Variants in DPP6 observed in about 807,000 individuals in gnomAD.
DPP6 encodes the protein A-type potassium channel modulatory protein DPP6.
In DPP6, 69 loss-of-function variants were observed where a neutral mutation model predicts 122.6. The ratio of observed to expected loss-of-function variants is 0.56; its 90% CI spans 0.46 to 0.69. The LOEUF is 0.69. Among genes scored for constraint, DPP6 ranks in the 30% least tolerant of loss-of-function variants. DPP6 has a pLI of 0.00. For missense variants in DPP6, 928 were observed against 1,116.9 expected (o/e 0.83, Z 2.41); for synonymous variants, 418 against 433.1 (o/e 0.97, Z 0.43).
At chr7:154,741,744 T>C (rs765365629) in intron 8 of DPP6, among the ~76,000 whole-genome samples, 2 of 152,196 alleles carry the variant, frequency 1.3e-5, no homozygotes, top group Non-Finnish European at 2.9e-5. Flanking sequence ...ATCAGCTCTT[T>C]CTCTGCTCAC....
chr7:154,377,847 A>G (rs1813261572), intron 1 of DPP6, among the ~76,000 whole-genome samples: 1 of 152,158 alleles, frequency 6.6e-6, no homozygotes, highest in South Asian at 2.1e-4. Flanking sequence ...AGCTTCTAAA[A>G]CATACATTTG....
intron 6 of DPP6, among the ~76,000 whole-genome samples, chr7:154,649,646 G>A (rs1836740650): frequency 6.6e-6 from 1 of 152,206 alleles, no homozygotes; most frequent in African/African-American, 2.4e-5. Flanking sequence ...ACATAGATCT[G>A]TGCCCTCAAT....
intron 1 of DPP6, among the ~76,000 whole-genome samples, chr7:154,323,126 C>T (rs2151021789): frequency 6.6e-6 from 1 of 152,138 alleles, no homozygotes; most frequent in African/African-American, 2.4e-5. Flanking sequence ...CCATTCCATG[C>T]ACATCTTGGA....
At chr7:154,447,243 T>G (rs1174630436) in intron 2 of DPP6, among the ~76,000 whole-genome samples, 1 of 151,920 alleles carries the variant, frequency 6.6e-6, no homozygotes, top group East Asian at 1.9e-4. Flanking sequence ...GAGGCAGAGG[T>G]TGCAGTGAGC....
chr7:154,697,224 G>T (rs1840269445), intron 7 of DPP6, among the ~76,000 whole-genome samples: 1 of 152,178 alleles, frequency 6.6e-6, no homozygotes, highest in African/African-American at 2.4e-5. Flanking sequence ...GGCAGAGTTG[G>T]CTTCATATCC....
At chr7:153,765,721 T>C in the DPP6 span, among the ~76,000 whole-genome samples, 67,504 of 152,016 alleles carry the variant, frequency 0.44, 15,297 homozygotes, top group South Asian at 0.54. Flanking sequence ...CAGCTTCTTA[T>C]TTGAGACTTT....
chr7:154,560,634 A>G (rs79250905), intron 4 of DPP6, among the ~76,000 whole-genome samples: 7,376 of 152,292 alleles, frequency 0.048, 682 homozygotes, highest in East Asian at 0.42. Context: ...CTGTAATCCC[A>G]TCACTTTGGA....
chr7:153,922,878 A>G (rs534105342), intron 1 of DPP6, among the ~76,000 whole-genome samples: 2 of 152,320 alleles, frequency 1.3e-5, no homozygotes, highest in African/African-American at 4.8e-5. Flanking sequence ...TTGGACAACA[A>G]TCAAAAAAGG....
chr7:154,689,300 G>T (rs1563106441), intron 7 of DPP6, among the ~76,000 whole-genome samples: 2 of 152,222 alleles, frequency 1.3e-5, no homozygotes, highest in Non-Finnish European at 2.9e-5. Context: ...ATTTGGGAAT[G>T]ACCTCGGTCA....
At chr7:154,648,250 A>G (rs200882303) in intron 6 of DPP6, among the ~76,000 whole-genome samples, 1 of 67,702 alleles carries the variant, frequency 1.5e-5, no homozygotes, top group Non-Finnish European at 3.4e-5. Context: ...CCTGGGCAAC[A>G]AGAGCAAAAC....
chr7:154,700,743 C>T (rs1198364971), intron 7 of DPP6, among the ~76,000 whole-genome samples: 2 of 151,036 alleles, frequency 1.3e-5, no homozygotes, highest in Non-Finnish European at 2.9e-5. Flanking sequence ...ACACACAGAC[C>T]TCATCTGTCC....
At chr7:154,473,707 CAAAATT>C (rs1822486527) in intron 2 of DPP6, among the ~76,000 whole-genome samples, 1 of 152,020 alleles carries the variant, frequency 6.6e-6, no homozygotes, top group Non-Finnish European at 1.5e-5. Flanking sequence ...GTTTAAAACA[CAAAATT>C]AAAAGAGGCA....
chr7:154,076,041 G>T (rs1319621211), intron 1 of DPP6, among the ~76,000 whole-genome samples: 2 of 151,716 alleles, frequency 1.3e-5, no homozygotes, highest in Non-Finnish European at 2.9e-5. Context: ...CCTTCAGCGT[G>T]TCACTGCTCA....
At chr7:154,166,464 G>A (rs1164241470) in intron 1 of DPP6, among the ~76,000 whole-genome samples, 1 of 152,046 alleles carries the variant, frequency 6.6e-6, no homozygotes, top group African/African-American at 2.4e-5. Context: ...ACAAAGACGG[G>A]CACCTGGCAG....
chr7:153,778,461 G>C, the DPP6 span, among the ~76,000 whole-genome samples: 3 of 151,386 alleles, frequency 2.0e-5, no homozygotes, highest in South Asian at 6.2e-4. Context: ...AACAATGAAT[G>C]TACCTCTTAC....
intron 5 of DPP6, among the ~76,000 whole-genome samples, chr7:154,595,078 CA>C (rs905446572): frequency 6.6e-6 from 1 of 152,052 alleles, no homozygotes; most frequent in African/African-American, 2.4e-5. Flanking sequence ...ATTGCCCTGC[CA>C]TGTGGGGTGT....
chr7:154,856,953 A>T (rs1310689475), intron 17 of DPP6, among the ~76,000 whole-genome samples: 5 of 152,228 alleles, frequency 3.3e-5, no homozygotes, highest in Non-Finnish European at 7.3e-5. Flanking sequence ...GCTTGATCTC[A>T]GCAAAGTGCT....
intron 1 of DPP6, among the ~76,000 whole-genome samples, chr7:154,167,669 C>T (rs182207626): frequency 5.8e-4 from 89 of 152,258 alleles, no homozygotes; most frequent in African/African-American, 1.9e-3. Context: ...TTCAGGGGGG[C>T]ATTTTGAGCC....
chr7:154,791,225 G>A (rs1248118412), intron 10 of DPP6, among the ~76,000 whole-genome samples: 1 of 152,128 alleles, frequency 6.6e-6, no homozygotes, highest in African/African-American at 2.4e-5. Flanking sequence ...CTGCACTCCA[G>A]CCTGGGGAAT....
Sources: allele counts gnomAD v4.1 joint callset (sites outside exome capture counted in the v4.1 genomes callset), GRCh38; gene constraint gnomAD v4.1.1; transcripts MANE v1.5; gene names NCBI Gene and HGNC (gene_info 2026-07-23, HGNC 2026-07-21).